The following LRP1B variants were observed in gnomAD, a reference collection of about 807,000 sequenced individuals.
The protein encoded by LRP1B is LDL receptor related protein 1B.
A neutral mutation model predicts 556.6 loss-of-function variants in LRP1B; 217 were observed. The ratio of observed to expected loss-of-function variants is 0.39; its 90% CI spans 0.35 to 0.44. LRP1B has a LOEUF of 0.44. Among genes scored for constraint, LRP1B ranks in the 20% least tolerant of loss-of-function variants. The pLI, the probability that LRP1B is intolerant of heterozygous loss-of-function variation, is 1.00. For missense variants in LRP1B, 5,053 were observed against 5,620.8 expected (o/e 0.90, Z 3.23); for synonymous variants, 2,047 against 1,865.8 (o/e 1.10, Z -2.50).
At chr2:140,540,878 G>T (rs1050050646) in intron 45 of LRP1B, 95 bp downstream of exon 45, 2 of 1,322,138 alleles carry the variant, frequency 1.5e-6, no homozygotes, top group South Asian at 1.4e-5. Context: ...TATTAGAAGA[G>T]AGTATAACTT....
chr2:141,442,295 A>C (rs191076811), intron 3 of LRP1B, among the ~76,000 whole-genome samples: 1 of 152,158 alleles, frequency 6.6e-6, no homozygotes, highest in Admixed American at 6.5e-5. Flanking sequence ...AAGGCTTTTG[A>C]TATATCTTAC....
intron 3 of LRP1B, among the ~76,000 whole-genome samples, chr2:141,458,594 C>T (rs993193812): frequency 3.9e-5 from 6 of 151,922 alleles, no homozygotes; most frequent in East Asian, 1.9e-4. Flanking sequence ...TGCTGTTTTC[C>T]GTACTTATAA....
At chr2:141,126,779 A>G (rs1487612825) in intron 7 of LRP1B, among the ~76,000 whole-genome samples, 1 of 152,166 alleles carries the variant, frequency 6.6e-6, no homozygotes, top group Non-Finnish European at 1.5e-5. Context: ...CTATGAACAC[A>G]GCTTCCCTTT....
intron 32 of LRP1B, among the ~76,000 whole-genome samples, chr2:140,808,875 C>T (rs567106364): frequency 6.6e-6 from 1 of 152,144 alleles, no homozygotes; most frequent in African/African-American, 2.4e-5. Context: ...AAGCTCTGTT[C>T]AAACACCACT....
At chr2:141,921,319 C>G (rs1401046829) in intron 1 of LRP1B, among the ~76,000 whole-genome samples, 1 of 151,958 alleles carries the variant, frequency 6.6e-6, no homozygotes, top group Non-Finnish European at 1.5e-5. Context: ...TTTCAATAAT[C>G]AGCTTTCTGG....
intron 2 of LRP1B, among the ~76,000 whole-genome samples, chr2:141,651,966 G>C (rs1287724202): frequency 6.6e-6 from 1 of 152,128 alleles, no homozygotes; most frequent in East Asian, 1.9e-4. Context: ...TTAGAAACTA[G>C]TTTAAATAAT....
intron 66 of LRP1B, among the ~76,000 whole-genome samples, chr2:140,438,081 A>G (rs908189691): frequency 3.9e-5 from 6 of 152,130 alleles, no homozygotes; most frequent in Non-Finnish European, 7.4e-5. Flanking sequence ...TACAGGTGCA[A>G]CCATGGTTCA....
At chr2:141,916,682 C>T (rs1447030524) in intron 1 of LRP1B, among the ~76,000 whole-genome samples, 1 of 151,864 alleles carries the variant, frequency 6.6e-6, no homozygotes, top group Non-Finnish European at 1.5e-5. Context: ...GCGCCCGGCC[C>T]CACACCTTCT....
chr2:141,866,481 T>C lies in LRP1B; in HGVS notation c.83-56080A>G, dbSNP rs373356116. 1.2e-4 allele frequency among the ~76,000 whole-genome samples: 19 copies of C among 152,334 alleles called. No homozygotes were observed. The East Asian group carries it at 3.7e-3, about 29-fold the overall frequency. On this transcript the variant is annotated intron_variant, in intron 1 of 90. Transcript: ENST00000389484. The stretch of plus-strand genomic sequence containing the variant: ...ATCATAGTCTTCATATACATTTACC[T>C]ATATGAAAACTCAGAGAGAGGATAT...
intron 52 of LRP1B, among the ~76,000 whole-genome samples, chr2:140,509,118 A>T (rs1689547496): frequency 6.7e-6 from 1 of 149,806 alleles, no homozygotes; most frequent in Admixed American, 6.7e-5. Flanking sequence ...ACAGACACTT[A>T]TATTATGGCT....
At chr2:140,255,481 A>G (rs543642725) in intron 86 of LRP1B, among the ~76,000 whole-genome samples, 1 of 152,312 alleles carries the variant, frequency 6.6e-6, no homozygotes, top group African/African-American at 2.4e-5. Flanking sequence ...CTCTACTTAT[A>G]TATGCATTCA....
Position 140,281,389 on chromosome 2 carries a change from G to A in LRP1B, c.12968-6791C>T, listed in dbSNP as rs527409635. Among the ~76,000 whole-genome samples the A allele has an allele frequency of 2.6e-5, 4 of 151,918 alleles. No homozygotes were observed. In the South Asian group the frequency reaches 6.2e-4, roughly 24 times the overall value. ...TGGGCTATTCACATTGTAATAATTAGTGAAGTGTGAAATTTAAAGAGAAGA... is the reference window on the plus strand; with the variant it reads ...TGGGCTATTCACATTGTAATAATTAATGAAGTGTGAAATTTAAAGAGAAGA... On this transcript the variant is annotated intron_variant, in intron 84 of 90. Coordinates refer to ENST00000389484, the MANE Select transcript of LRP1B (RefSeq NM_018557.3).
At chr2:141,355,739 TAA>T (rs1688604362) in intron 3 of LRP1B, among the ~76,000 whole-genome samples, 1 of 151,616 alleles carries the variant, frequency 6.6e-6, no homozygotes, top group South Asian at 2.1e-4. Flanking sequence ...ACTAGTATTA[TAA>T]GAGATAATCT....
intron 2 of LRP1B, among the ~76,000 whole-genome samples, chr2:141,779,682 C>A (rs1431388369): frequency 6.6e-6 from 1 of 151,870 alleles, no homozygotes; most frequent in Non-Finnish European, 1.5e-5. Context: ...TTTCATATAT[C>A]CTTTTATTTT....
chr2:141,026,792 A>T (rs567227080), intron 11 of LRP1B, among the ~76,000 whole-genome samples: 1 of 152,258 alleles, frequency 6.6e-6, no homozygotes, highest in East Asian at 1.9e-4. Context: ...ACATTGGGGC[A>T]AAGTCATAAT....
intron 1 of LRP1B, among the ~76,000 whole-genome samples, chr2:142,016,646 G>A (rs1703139642): frequency 6.6e-6 from 1 of 151,880 alleles, no homozygotes; most frequent in Admixed American, 6.6e-5. Context: ...CATGGACACA[G>A]GGAGGGGAAC....
intron 2 of LRP1B, among the ~76,000 whole-genome samples, chr2:141,721,221 C>G (rs1416129560): frequency 6.6e-6 from 1 of 152,056 alleles, no homozygotes; most frequent in Non-Finnish European, 1.5e-5. Flanking sequence ...TTATTTAATT[C>G]CAATTTGCAA....
chr2:141,723,824 T>C (rs1373846327), intron 2 of LRP1B, among the ~76,000 whole-genome samples: 1 of 151,810 alleles, frequency 6.6e-6, no homozygotes, highest in Non-Finnish European at 1.5e-5. Context: ...TTCAGAAATG[T>C]CGTAAAATAT....
intron 21 of LRP1B, 94 bp downstream of exon 21, chr2:140,922,871 A>G: frequency 9.3e-7 from 1 of 1,071,508 alleles, no homozygotes; most frequent in Non-Finnish European, 1.3e-6. Context: ...ATATAAGATT[A>G]CTTTTTACAA....
Sources: gnomAD v4.1 joint callset for allele counts (sites outside exome capture counted in the v4.1 genomes callset) on GRCh38, gnomAD v4.1.1 for gene constraint, MANE v1.5 for transcripts, NCBI Gene and HGNC (gene_info 2026-07-23, HGNC 2026-07-21) for gene names.